The following MTMR3 variants were observed in gnomAD, a reference collection of about 807,000 sequenced individuals.
The protein encoded by MTMR3 is myotubularin related protein 3, also known as phosphatidylinositol-3,5-bisphosphate 3-phosphatase MTMR3.
A neutral mutation model predicts 132.4 loss-of-function variants in MTMR3; 32 were observed. The ratio of observed to expected loss-of-function variants is 0.24; its 90% CI spans 0.18 to 0.32. The LOEUF is 0.32. Ranked by LOEUF, MTMR3 falls within the 10% of genes least tolerant of loss-of-function variation. MTMR3 has a pLI of 1.00. For synonymous variants in MTMR3, 556 were observed against 550.3 expected, an observed-to-expected ratio of 1.01 and a Z score of -0.14; for missense variants, 1,216 against 1,489.6, an observed-to-expected ratio of 0.82 and a Z score of 3.02.
At chr22:29,898,038 C>A (rs1051542824) in intron 1 of MTMR3, among the ~76,000 whole-genome samples, 1 of 152,062 alleles carries the variant, frequency 6.6e-6, no homozygotes, top group African/African-American at 2.4e-5. Flanking sequence ...TACAGAGGCA[C>A]AATCTTGGCT....
At chr22:29,960,059 C>A (rs1435390856) in intron 2 of MTMR3, among the ~76,000 whole-genome samples, 1 of 150,380 alleles carries the variant, frequency 6.6e-6, no homozygotes, top group African/African-American at 2.5e-5. Context: ...GAGCCACTGC[C>A]CCTGGCCACG....
At chr22:30,016,869 A>T (rs767086473) in intron 15 of MTMR3, 171 bp downstream of exon 15, 8 of 743,034 alleles carry the variant, frequency 1.1e-5, no homozygotes, top group Non-Finnish European at 1.5e-5. Flanking sequence ...CCTGCTTCTG[A>T]TGGTGCTCTG....
chr22:29,992,407 A>T (rs1601388721), intron 7 of MTMR3: 1 of 151,550 alleles, frequency 6.6e-6, no homozygotes, highest in East Asian at 2.0e-4. Context: ...CCCCCCCAAA[A>T]AAACCAAAAA....
At chr22:29,949,440 G>A (rs1034388280) in intron 1 of MTMR3, among the ~76,000 whole-genome samples, 8 of 150,214 alleles carry the variant, frequency 5.3e-5, no homozygotes, top group African/African-American at 2.0e-4. Flanking sequence ...AGGTTGCAGT[G>A]AGCCGAGATC....
rs188144560 is a variant in MTMR3 at position 29,888,544 on chromosome 22, C to T, written c.-138+5185C>T. Among the ~76,000 whole-genome samples the T allele has an allele frequency of 1.2e-3, 183 of 152,240 alleles. 1 individual carries two copies. Among genetic ancestry groups the T allele is most frequent in the Non-Finnish European group, 2.1e-3 (141 of 68,002 alleles). On this transcript the variant is annotated intron_variant, in intron 1 of 19. Coordinates refer to ENST00000401950, the MANE Select transcript of MTMR3 (RefSeq NM_021090.4). ...TGGTGAAATACCTCATAGCTATGTT[C>T]TGAACTGTTGATTTAATGAACAAAG...
chr22:29,979,275 G>C (rs1194503096), intron 5 of MTMR3: 2 of 352,838 alleles, frequency 5.7e-6, no homozygotes, highest in East Asian at 1.3e-4. Flanking sequence ...GGCAGATCAC[G>C]AGGTCAGGAG....
At chr22:30,016,440 G>T in intron 14 of MTMR3, 88 bp from the exon 15 acceptor site, 1 of 1,430,824 alleles carries the variant, frequency 7.0e-7, no homozygotes, top group Non-Finnish European at 9.6e-7. Flanking sequence ...TGTTCTCAGG[G>T]ATGTTAGGAT....
chr22:29,897,338 G>A (rs2064921385), intron 1 of MTMR3, among the ~76,000 whole-genome samples: 1 of 152,166 alleles, frequency 6.6e-6, no homozygotes, highest in Admixed American at 6.5e-5. Flanking sequence ...GCCTCCCAAA[G>A]TGCTGGGATT....
At chr22:29,958,779 A>G (rs1036694719) in intron 2 of MTMR3, among the ~76,000 whole-genome samples, 4 of 152,330 alleles carry the variant, frequency 2.6e-5, no homozygotes, top group Non-Finnish European at 4.4e-5. Context: ...GGCAAGAACT[A>G]TATTGATATT....
rs768076956 is a variant in MTMR3, at chr22:30,025,902, G to A, written c.*101G>A. ...GGCCCGTGCACTTTGGAATGGGAGC[G>A]TGGAACCACCTGTACAGAGTGACAG... On this transcript the variant is annotated 3_prime_UTR_variant, in exon 20 of 20. Transcript: ENST00000401950. The A allele has an allele frequency of 3.0e-5, 37 of 1,253,874 alleles. 1 individual carries two copies. The highest frequency in any genetic ancestry group is 5.4e-4 in the Middle Eastern group (2 of 3,704). 77.7% of individuals were successfully genotyped at this position (1,253,874 alleles called of 1,614,324 possible).
At chr22:29,941,843 A>G (rs2065862890) in intron 1 of MTMR3, among the ~76,000 whole-genome samples, 2 of 152,178 alleles carry the variant, frequency 1.3e-5, no homozygotes, top group South Asian at 2.1e-4. Context: ...TTAACCAGAC[A>G]TGGTGGTGAG....
At chr22:29,888,575 G>A (rs2064724883) in intron 1 of MTMR3, among the ~76,000 whole-genome samples, 1 of 152,126 alleles carries the variant, frequency 6.6e-6, no homozygotes, top group African/African-American at 2.4e-5. Flanking sequence ...CAAAGCACAT[G>A]AACTTATGCT....
intron 8 of MTMR3, chr22:29,999,689 C>T (rs936749564): frequency 1.3e-5 from 2 of 152,208 alleles, no homozygotes; most frequent in Non-Finnish European, 2.9e-5. Flanking sequence ...ACCAACTTCA[C>T]TGCTATGATC....
intron 14 of MTMR3, chr22:30,016,240 A>ATATG: frequency 2.8e-6 from 1 of 355,356 alleles, no homozygotes; most frequent in Non-Finnish European, 5.2e-6. Flanking sequence ...CACCCAGTTC[A>ATATG]TATGCTGTGG....
intron 7 of MTMR3, chr22:29,995,572 T>A (rs955012791): frequency 6.6e-6 from 1 of 152,238 alleles, no homozygotes; most frequent in Non-Finnish European, 1.5e-5. Flanking sequence ...ATTGCTGGAC[T>A]GTATTATTTT....
At chr22:29,971,441 G>A (rs111349405) in intron 3 of MTMR3, among the ~76,000 whole-genome samples, 9 of 152,086 alleles carry the variant, frequency 5.9e-5, no homozygotes, top group African/African-American at 1.7e-4. Context: ...TTGTAAGATG[G>A]TAATCTGCAT....
At chr22:29,953,412 A>G (rs1430535028) in intron 1 of MTMR3, among the ~76,000 whole-genome samples, 1 of 152,162 alleles carries the variant, frequency 6.6e-6, no homozygotes, top group Non-Finnish European at 1.5e-5. Context: ...CTGATGTGCT[A>G]GGTGGCACAT....
intron 1 of MTMR3, among the ~76,000 whole-genome samples, chr22:29,934,301 C>G (rs951958702): frequency 6.6e-6 from 1 of 152,066 alleles, no homozygotes. Context: ...TTGCAGTGAG[C>G]TGAGATCGTG....
chr22:29,960,607 A>G (rs2066292024), intron 2 of MTMR3, among the ~76,000 whole-genome samples: 1 of 152,226 alleles, frequency 6.6e-6, no homozygotes, highest in South Asian at 2.1e-4. Flanking sequence ...AAAAGTGCTT[A>G]TTACATGCCA....
Sources: gnomAD v4.1 joint callset for allele counts (sites outside exome capture counted in the v4.1 genomes callset) on GRCh38, gnomAD v4.1.1 for gene constraint, MANE v1.5 for transcripts, NCBI Gene and HGNC (gene_info 2026-07-23, HGNC 2026-07-21) for gene names.